The following ZFHX3 variants were observed in gnomAD, a reference collection of about 807,000 sequenced individuals.
ZFHX3 encodes the protein zinc finger homeobox protein 3.
In ZFHX3, 42 loss-of-function variants were observed where a neutral mutation model predicts 279.1. The ratio of observed to expected loss-of-function variants is 0.15; its 90% CI spans 0.12 to 0.19. The LOEUF (loss-of-function observed/expected upper bound fraction) is 0.19, where lower values mean the gene tolerates loss of function less well. Ranked by LOEUF, ZFHX3 falls within the 10% of genes least tolerant of loss-of-function variation. The pLI is 1.00. For synonymous variants in ZFHX3, 2,293 were observed against 1,957.8 expected, an observed-to-expected ratio of 1.17 and a Z score of -4.52; for missense variants, 4,981 against 4,754.0, an observed-to-expected ratio of 1.05 and a Z score of -1.40.
At chr16:73,117,232 C>T (rs1173209172) in intron 7 of ZFHX3, among the ~76,000 whole-genome samples, 1 of 151,696 alleles carries the variant, frequency 6.6e-6, no homozygotes, top group African/African-American at 2.4e-5. Flanking sequence ...TCTTTCCTTC[C>T]TTCCTCTTTC....
intron 5 of ZFHX3, among the ~76,000 whole-genome samples, chr16:73,159,921 C>A (rs762576705): frequency 6.6e-6 from 1 of 152,028 alleles, no homozygotes; most frequent in Non-Finnish European, 1.5e-5. Context: ...TGCCACCATG[C>A]CTGGCTAATT....
At chr16:73,553,060 AG>A (rs1345659798) in intron 2 of ZFHX3, among the ~76,000 whole-genome samples, 1 of 152,216 alleles carries the variant, frequency 6.6e-6, no homozygotes, top group African/African-American at 2.4e-5. Context: ...ATTGGATCCA[AG>A]GGGAGACAAG....
At chr16:72,997,102 A>G (rs2144585683) in intron 1 of ZFHX3, among the ~76,000 whole-genome samples, 1 of 152,246 alleles carries the variant, frequency 6.6e-6, no homozygotes, top group East Asian at 1.9e-4. Flanking sequence ...GAAATCACAA[A>G]CAGAAATCTA....
At chr16:73,093,118 T>C (rs1369338553) in intron 8 of ZFHX3, 1 of 520,032 alleles carries the variant, frequency 1.9e-6, no homozygotes, top group Non-Finnish European at 3.8e-6. Flanking sequence ...CAAAGAACTC[T>C]GAAAACAAGA....
chr16:73,339,707 A>G (rs1290111418), intron 3 of ZFHX3, among the ~76,000 whole-genome samples: 1 of 152,174 alleles, frequency 6.6e-6, no homozygotes, highest in East Asian at 1.9e-4. Flanking sequence ...GGTAATATTT[A>G]TCCTGGCAGG....
At chr16:73,745,027 C>A (rs2053691075) in intron 1 of ZFHX3, among the ~76,000 whole-genome samples, 2 of 152,120 alleles carry the variant, frequency 1.3e-5, no homozygotes, top group Non-Finnish European at 2.9e-5. Flanking sequence ...TATATTTAAA[C>A]CCTTCAATTT....
chr16:72,938,101 C>A (rs182005174), intron 3 of ZFHX3, among the ~76,000 whole-genome samples: 1 of 152,354 alleles, frequency 6.6e-6, no homozygotes, highest in East Asian at 1.9e-4. Context: ...CAGAGACCAG[C>A]GTGGTGCCAA....
At chr16:73,170,816 G>A (rs1368520468) in intron 5 of ZFHX3, among the ~76,000 whole-genome samples, 1 of 152,092 alleles carries the variant, frequency 6.6e-6, no homozygotes, top group African/African-American at 2.4e-5. Flanking sequence ...TGTTGTCATG[G>A]AAACCTGAAT....
At chr16:73,419,230 G>T (rs2017665788) in intron 3 of ZFHX3, among the ~76,000 whole-genome samples, 2 of 152,212 alleles carry the variant, frequency 1.3e-5, no homozygotes, top group Non-Finnish European at 2.9e-5. Flanking sequence ...CAGATAGTAT[G>T]CTAAGTGCGC....
intron 2 of ZFHX3, among the ~76,000 whole-genome samples, chr16:73,612,663 G>A (rs1306377445): frequency 1.3e-5 from 2 of 152,126 alleles, no homozygotes; most frequent in South Asian, 2.1e-4. Flanking sequence ...GGGACAAACA[G>A]GAATTGAAGA....
At chr16:73,788,078 C>T (rs956270489) in intron 1 of ZFHX3, among the ~76,000 whole-genome samples, 2 of 152,174 alleles carry the variant, frequency 1.3e-5, no homozygotes, top group South Asian at 2.1e-4. Context: ...GTGCCCTCAC[C>T]ACCGCTAGAT....
Position 73,164,425 on chromosome 16 carries a change from C to A in ZFHX3, c.-1103-20594G>T, listed in dbSNP as rs533504106. ...TGCCCTTAGGAAATGTGGGGCCGGG[C>A]ATGGTGGCTCACACTTGTAATCCCA... On this transcript the variant is annotated intron_variant, in intron 5 of 17. Coordinates refer to the ZFHX3 transcript ENST00000641206. 1.4e-4 allele frequency among the ~76,000 whole-genome samples: 21 copies of A among 152,292 alleles called. No individual in the cohort carries two copies. In the South Asian group the frequency reaches 4.4e-3, roughly 32 times the overall value.
intron 1 of ZFHX3, among the ~76,000 whole-genome samples, chr16:73,791,662 T>A (rs1165517771): frequency 6.6e-6 from 1 of 150,608 alleles, no homozygotes; most frequent in African/African-American, 2.4e-5. Context: ...TGACCTCGTG[T>A]TCCGTCCACC....
Position 72,959,825 on chromosome 16 carries a change from G to C in ZFHX3, c.321C>G (p.Pro107=), listed in dbSNP as rs1397360274. 1 of 1,593,864 alleles carries C rather than the reference G, an allele frequency of 6.3e-7. No individual in the cohort carries two copies. Among genetic ancestry groups the C allele is most frequent in the Non-Finnish European group, 8.6e-7 (1 of 1,168,000 alleles). Residue 107 remains proline (P), a synonymous_variant, in exon 2 of 10, where the codon CCC becomes CCG. Transcript: ENST00000268489. The part of the protein sequence containing the change: ...HHCPSARPPP[P]LREESASDTG... ...TGTCGCTGGCGCTCTCCTCTCTCAG[G>C]GGTGGCGGGGGGCGCGCGCTGGGGC...
At chr16:73,182,369 A>G (rs1967815881) in intron 5 of ZFHX3, among the ~76,000 whole-genome samples, 1 of 152,200 alleles carries the variant, frequency 6.6e-6, no homozygotes. Context: ...AGGCATGAGA[A>G]TCGCTTGAAC....
chr16:73,577,781 A>G (rs1050884724), intron 2 of ZFHX3, among the ~76,000 whole-genome samples: 22 of 152,204 alleles, frequency 1.4e-4, no homozygotes, highest in African/African-American at 5.3e-4. Flanking sequence ...TTTTCTCCTT[A>G]TGTTCCGCCA....
chr16:73,569,695 T>G (rs905676140), intron 2 of ZFHX3, among the ~76,000 whole-genome samples: 1 of 152,216 alleles, frequency 6.6e-6, no homozygotes, highest in African/African-American at 2.4e-5. Flanking sequence ...ACAAATTGGT[T>G]TCAAAATCAT....
At chr16:73,363,174 C>A (rs2016463986) in intron 3 of ZFHX3, among the ~76,000 whole-genome samples, 1 of 152,190 alleles carries the variant, frequency 6.6e-6, no homozygotes, top group Admixed American at 6.5e-5. Context: ...TACCATTTCA[C>A]AAATGAGCCC....
intron 3 of ZFHX3, among the ~76,000 whole-genome samples, chr16:72,892,401 A>T (rs1700344334): frequency 6.6e-6 from 1 of 152,248 alleles, no homozygotes; most frequent in Non-Finnish European, 1.5e-5. Flanking sequence ...AAAGTATTGG[A>T]AGAACCAGTG....
Sources: gnomAD v4.1 joint callset for allele counts (sites outside exome capture counted in the v4.1 genomes callset) on GRCh38, gnomAD v4.1.1 for gene constraint, MANE v1.5 for transcripts, NCBI Gene and HGNC (gene_info 2026-07-23, HGNC 2026-07-21) for gene names.